Variants in RAPGEF5 observed in about 807,000 individuals in gnomAD.
RAPGEF5 encodes the protein Rap guanine nucleotide exchange factor 5.
In RAPGEF5, 65 loss-of-function variants were observed where a neutral mutation model predicts 125.2. That is an observed-to-expected ratio of 0.52 (90% CI 0.43 to 0.64). The LOEUF (loss-of-function observed/expected upper bound fraction) is 0.64, where lower values mean the gene tolerates loss of function less well. Ranked by LOEUF, RAPGEF5 falls within the 30% of genes least tolerant of loss-of-function variation. The pLI is 0.00. For synonymous variants in RAPGEF5, 391 were observed against 385.9 expected, an observed-to-expected ratio of 1.01 and a Z score of -0.16; for missense variants, 958 against 1,048.1, an observed-to-expected ratio of 0.91 and a Z score of 1.19.
chr7:22,313,474 G>T (rs983393694), intron 3 of RAPGEF5, among the ~76,000 whole-genome samples: 1 of 152,172 alleles, frequency 6.6e-6, no homozygotes, highest in African/African-American at 2.4e-5. Context: ...TTTAAACCCA[G>T]AATATTAATG....
In RAPGEF5 at chr7:22,150,513, GAAAAAAA is replaced by G; in HGVS notation, c.1787-16_1787-10del. The G allele has an allele frequency of 1.0e-5, 14 of 1,352,412 alleles. No homozygotes were observed. Among genetic ancestry groups the G allele is most frequent in the Middle Eastern group, 2.1e-4 (1 of 4,874 alleles). The allele number at this position is 1,352,412 out of a possible 1,614,324, so 83.8% of individuals were successfully genotyped here. A position where few individuals can be genotyped will look rare whatever the true frequency, so the allele number is the denominator to read the frequency against. On this transcript the variant is annotated splice_polypyrimidine_tract_variant and intron_variant, in intron 17 of 25. Transcript: ENST00000665637. ...CTGAAGTTCATGCTTTTCTTTATTT[GAAAAAAA>G]AAAAAAAAAAAGGAATAATCAGAAA...
intron 8 of RAPGEF5, among the ~76,000 whole-genome samples, chr7:22,221,544 T>C (rs1785789715): frequency 6.6e-6 from 1 of 152,148 alleles, no homozygotes; most frequent in Non-Finnish European, 1.5e-5. Context: ...TCCCCACATG[T>C]TGTGGGAGGA....
At chr7:22,296,051 A>ATT (rs1783053020) in intron 5 of RAPGEF5, among the ~76,000 whole-genome samples, 1 of 152,060 alleles carries the variant, frequency 6.6e-6, no homozygotes, top group Admixed American at 6.5e-5. Flanking sequence ...TGGAGGTGCT[A>ATT]TTTTGTATAG....
At chr7:22,326,159 A>C (rs2128156730) in intron 1 of RAPGEF5, among the ~76,000 whole-genome samples, 1 of 152,320 alleles carries the variant, frequency 6.6e-6, no homozygotes, top group Admixed American at 6.5e-5. Flanking sequence ...GTGATAGTGT[A>C]GGGTCTTCTG....
At chr7:22,332,841 C>G (rs1013403401) in intron 1 of RAPGEF5, among the ~76,000 whole-genome samples, 2 of 152,192 alleles carry the variant, frequency 1.3e-5, no homozygotes, top group Admixed American at 1.3e-4. Context: ...CACCCTTCTA[C>G]GCCTGAGGGA....
intron 9 of RAPGEF5, among the ~76,000 whole-genome samples, chr7:22,213,079 T>A (rs1194236887): frequency 6.6e-6 from 1 of 152,214 alleles, no homozygotes. Flanking sequence ...ATTGAGCCTT[T>A]TAAAATAAAC....
intron 14 of RAPGEF5, 50 bp downstream of exon 14, chr7:22,160,468 T>TCCAAAA: frequency 5.3e-6 from 8 of 1,503,624 alleles, no homozygotes; most frequent in Non-Finnish European, 7.2e-6. Context: ...TCTATCATAT[T>TCCAAAA]TGCTGCTGTT....
At chr7:22,148,737 T>C (rs532571339) in intron 18 of RAPGEF5, among the ~76,000 whole-genome samples, 2 of 152,156 alleles carry the variant, frequency 1.3e-5, no homozygotes, top group South Asian at 4.2e-4. Flanking sequence ...CCTTGGACAG[T>C]GGTAGATTGA....
intron 7 of RAPGEF5, among the ~76,000 whole-genome samples, chr7:22,260,653 T>C (rs1782133426): frequency 6.6e-6 from 1 of 152,026 alleles, no homozygotes; most frequent in Admixed American, 6.5e-5. Flanking sequence ...TACCCTATAT[T>C]CATTGATAGA....
chr7:22,316,360 T>TAGATAGATAGAC (rs1783589852), intron 2 of RAPGEF5, among the ~76,000 whole-genome samples: 1 of 148,644 alleles, frequency 6.7e-6, no homozygotes, highest in Admixed American at 6.7e-5. Context: ...TATAGATAGA[T>TAGATAGATAGAC]AGATAGATAG....
chr7:22,355,047 A>G (rs1784396378), intron 1 of RAPGEF5, among the ~76,000 whole-genome samples: 1 of 152,256 alleles, frequency 6.6e-6, no homozygotes, highest in African/African-American at 2.4e-5. Context: ...CAGTCAAATA[A>G]ATAGTCAAAA....
rs148438510 is a variant in RAPGEF5 at position 22,133,388 on chromosome 7, C to T, written c.2417-2287G>A. ...AGAGAGAAACAAATGAGAGGTTGGG[C>T]TGAAAAAAACGAAGATGTCAGAATT... On this transcript the variant is annotated intron_variant, in intron 23 of 25. Transcript: ENST00000665637. 2.6e-5 allele frequency among the ~76,000 whole-genome samples: 4 copies of T among 151,996 alleles called. No homozygotes were observed. The East Asian group carries it at 7.7e-4, about 29-fold the overall frequency.
intron 16 of RAPGEF5, among the ~76,000 whole-genome samples, chr7:22,155,022 T>A (rs994134796): frequency 3.3e-5 from 5 of 152,188 alleles, no homozygotes; most frequent in African/African-American, 1.2e-4. Context: ...AGTGTCTAAT[T>A]CATAAATTTT....
At chr7:22,177,286 C>T (rs1293551444) in intron 11 of RAPGEF5, among the ~76,000 whole-genome samples, 1 of 152,210 alleles carries the variant, frequency 6.6e-6, no homozygotes, top group Non-Finnish European at 1.5e-5. Flanking sequence ...CTCCACACCC[C>T]AACCCCTACC....
Position 22,157,882 on chromosome 7 carries a change from A to G in RAPGEF5, c.1530T>C (p.Thr510=), listed in dbSNP as rs1380090011. 6.2e-7 allele frequency: 1 copy of G among 1,611,904 alleles called. No individual in the cohort carries two copies. Among genetic ancestry groups the G allele is most frequent in the Non-Finnish European group, 8.5e-7 (1 of 1,178,056 alleles). The change falls in exon 15 of 26, where the codon ACT becomes ACC. Residue 510 remains threonine (T), a synonymous_variant. Transcript: ENST00000665637. ...QKILGMHRRH[T]VDEYSPQKKN... ...TTTTTTGTGGTGAATATTCATCTAC[A>G]GTGCTGAAAGGAAAAATGGCAAGAA...
chr7:22,292,858 C>G (rs577510243), intron 5 of RAPGEF5, among the ~76,000 whole-genome samples: 1 of 152,230 alleles, frequency 6.6e-6, no homozygotes, highest in African/African-American at 2.4e-5. Context: ...GTATTTTGCA[C>G]TAGCACAGAT....
At chr7:22,286,020 T>A (rs940601049) in intron 6 of RAPGEF5, among the ~76,000 whole-genome samples, 1 of 152,204 alleles carries the variant, frequency 6.6e-6, no homozygotes, top group African/African-American at 2.4e-5. Context: ...TCCAAGAGTA[T>A]CAAGTGTTTT....
intron 21 of RAPGEF5, 120 bp from the exon 22 acceptor site, chr7:22,137,103 T>C (rs1386742960): frequency 1.4e-6 from 1 of 718,622 alleles, no homozygotes; most frequent in Non-Finnish European, 2.3e-6. Context: ...TAAATACCTC[T>C]ATCATCTGTT....
chr7:22,350,215 C>A (rs962471941), intron 1 of RAPGEF5, among the ~76,000 whole-genome samples: 2 of 152,146 alleles, frequency 1.3e-5, no homozygotes, highest in Non-Finnish European at 2.9e-5. Context: ...ACCTTTCCAT[C>A]TATTGCTAGC....
Sources: allele counts gnomAD v4.1 joint callset (sites outside exome capture counted in the v4.1 genomes callset), GRCh38; gene constraint gnomAD v4.1.1; transcripts MANE v1.5; gene names NCBI Gene and HGNC (gene_info 2026-07-23, HGNC 2026-07-21).